TMEM176B: variants seen among roughly 807,000 people sequenced by gnomAD.
The protein encoded by TMEM176B is transmembrane protein 176B.
A neutral mutation model predicts 30.3 loss-of-function variants in TMEM176B; 28 were observed. That is an observed-to-expected ratio of 0.92 (90% CI 0.68 to 1.27). TMEM176B has a LOEUF of 1.27. Among genes scored for constraint, TMEM176B ranks in the 50% most tolerant of loss-of-function variants. The pLI, the probability that TMEM176B is intolerant of heterozygous loss-of-function variation, is 0.00. For missense variants in TMEM176B, 349 were observed against 327.4 expected (o/e 1.07, Z -0.51); for synonymous variants, 123 against 130.3 (o/e 0.94, Z 0.38).
chr7:150,801,140 C>T (rs1798767708), upstream of TMEM176B: 4 of 273,834 alleles, frequency 1.5e-5, no homozygotes, highest in Non-Finnish European at 2.2e-5. Flanking sequence ...ACAGGAGCTC[C>T]ACAGGCAGCC....
At position 150,796,536 on chromosome 7, in the gene TMEM176B, C is replaced by T. The variant is rs367566283; in HGVS notation, c.34G>A (p.Ala12Thr). 9.3e-6 allele frequency: 15 copies of T among 1,614,038 alleles called. No homozygotes were observed. The highest frequency in any genetic ancestry group is 1.2e-5 in the Non-Finnish European group (14 of 1,180,046). The change falls in exon 2 of 7, where the codon GCT becomes ACT. Residue 12 changes from alanine to threonine, a missense_variant. Ala to Thr is a moderately conservative substitution (Grantham distance 58). Transcript: ENST00000326442. ...TQNTVIVNGV[A>T]MASRPSQPTH... ...GGCTGGGATGGCCTAGAGGCCATAG[C>T]AACTCCATTCACAATCACCGTGTTT...
chr7:150,791,469 A>G lies in TMEM176B; in HGVS notation c.*62T>C, dbSNP rs1403519785. Reference sequence around the variant, plus strand: ...GGGGAGGCAAGTGTGAGGAGCCAGGAGTGGGGGCCCTGGGCTGCCCTAGAC... The same window carrying G: ...GGGGAGGCAAGTGTGAGGAGCCAGGGGTGGGGGCCCTGGGCTGCCCTAGAC... On this transcript the variant is annotated 3_prime_UTR_variant, in exon 7 of 7. Transcript: ENST00000326442. 1 of 1,417,242 alleles carries G rather than the reference A, an allele frequency of 7.1e-7. No individual in the cohort carries two copies. The highest frequency in any genetic ancestry group is 1.4e-5 in the African/African-American group (1 of 69,538). 87.8% of individuals were successfully genotyped at this position (1,417,242 alleles called of 1,614,324 possible).
intron 3 of TMEM176B, 26 bp from the exon 4 acceptor site, chr7:150,793,626 C>T: frequency 6.2e-7 from 1 of 1,609,988 alleles, no homozygotes; most frequent in East Asian, 2.2e-5. Flanking sequence ...AGAAAAAGGC[C>T]TCCAGTTTAC....
chr7:150,796,498 G>A lies in TMEM176B; in HGVS notation c.72C>T (p.Asn24=), dbSNP rs181849033. 5.0e-5 allele frequency: 80 copies of A among 1,614,200 alleles called. No individual in the cohort carries two copies. Among genetic ancestry groups the A allele is most frequent in the African/African-American group, 3.2e-4 (24 of 75,048 alleles). ...AAGCTGACTCCTGGTGGATGTGGAC[G>A]TTGACGTGGGTGGGCTGGGATGGCC... ...ASRPSQPTHV[N]VHIHQESALT... is the part of the protein sequence containing the mutation. Residue 24 remains asparagine (N), a synonymous_variant, in exon 2 of 7, where the codon AAC becomes AAT. Coordinates refer to ENST00000326442, the MANE Select transcript of TMEM176B (RefSeq NM_001101312.2).
At chr7:150,796,300 C>T in intron 2 of TMEM176B, 66 bp downstream of exon 2, 1 of 1,477,082 alleles carries the variant, frequency 6.8e-7, no homozygotes, top group Middle Eastern at 2.1e-4. Flanking sequence ...AGATTTGGCT[C>T]TATATTTTAA....
chr7:150,796,810 T>G, intron 1 of TMEM176B: 2 of 482,188 alleles, frequency 4.1e-6, no homozygotes, highest in Non-Finnish European at 7.6e-6. Flanking sequence ...AATACAAAAA[T>G]CCGCACGGTG....
upstream of TMEM176B, chr7:150,800,834 G>A (rs1214402871): frequency 1.2e-6 from 1 of 806,288 alleles, no homozygotes; most frequent in African/African-American, 1.9e-5. Flanking sequence ...CGCAGGTGAG[G>A]CGGCACCCCA....
intron 6 of TMEM176B, 35 bp downstream of exon 6, chr7:150,792,019 ACT>A: frequency 6.2e-7 from 1 of 1,611,678 alleles, no homozygotes; most frequent in Non-Finnish European, 8.5e-7. Context: ...CACCACCCAG[ACT>A]CACGCTGCCC....
intron 1 of TMEM176B, among the ~76,000 whole-genome samples, chr7:150,798,563 C>T (rs535586390): frequency 1.3e-5 from 2 of 151,502 alleles, no homozygotes; most frequent in African/African-American, 4.8e-5. Context: ...GCGTGAGCCA[C>T]CGCGCCCGGC....
chr7:150,801,263 A>C, upstream of TMEM176B: 13 of 296,466 alleles, frequency 4.4e-5, no homozygotes, highest in East Asian at 1.3e-4. Flanking sequence ...CCCAGACGCC[A>C]GGGCCCTGGG....
At chr7:150,796,933 A>G (rs11977238) in intron 1 of TMEM176B, among the ~76,000 whole-genome samples, 57,467 of 152,014 alleles carry the variant, frequency 0.38, 15,770 homozygotes, top group African/African-American at 0.76. Context: ...CAGCCTGGGC[A>G]ACAGAGTGAG....
rs185219122 is a variant in TMEM176B, at chr7:150,798,811, T to C, written c.-6+1487A>G. Among the ~76,000 whole-genome samples the C allele has an allele frequency of 2.0e-5, 3 of 152,330 alleles. No homozygotes were observed. The East Asian group carries it at 5.8e-4, about 29-fold the overall frequency. ...AGCTCTCCGTTCACATCCTATGTCC[T>C]TGTTTCGTTTTGTTTTGTTTTGCTT... On this transcript the variant is annotated intron_variant, in intron 1 of 6. Coordinates refer to ENST00000326442, the MANE Select transcript of TMEM176B (RefSeq NM_001101312.2).
chr7:150,800,446 C>CG (rs17173776), upstream of TMEM176B: 70,953 of 151,974 alleles, frequency 0.47, 17,150 homozygotes, highest in African/African-American at 0.51. Flanking sequence ...AGCTGCGGCC[C>CG]GGGGGCCCGG....
chr7:150,791,782 G>A (rs1798320102), intron 6 of TMEM176B, among the ~76,000 whole-genome samples, 159 bp from the exon 7 acceptor site: 2 of 152,010 alleles, frequency 1.3e-5, no homozygotes, highest in Admixed American at 6.5e-5. Context: ...AGAGGAAGGG[G>A]AGTCAGACGA....
chr7:150,799,230 TA>T (rs1430158923), intron 1 of TMEM176B, among the ~76,000 whole-genome samples: 1 of 152,250 alleles, frequency 6.6e-6, no homozygotes, highest in East Asian at 1.9e-4. Context: ...CTCAGTGATT[TA>T]AAATTCTCTC....
At chr7:150,793,345 C>T in intron 4 of TMEM176B, 30 bp from the exon 5 acceptor site, 1 of 1,594,946 alleles carries the variant, frequency 6.3e-7, no homozygotes, top group Non-Finnish European at 8.6e-7. Flanking sequence ...ATGACACACG[C>T]TCCTTCAATC....
Position 150,793,563 on chromosome 7 carries a change from T to C in TMEM176B, c.353A>G (p.Lys118Arg). 3 of 1,613,610 alleles carry C rather than the reference T, an allele frequency of 1.9e-6. No homozygotes were observed. The highest frequency in any genetic ancestry group is 2.5e-6 in the Non-Finnish European group (3 of 1,179,816). ...AAGAGAIVHE[K>R]HPGKLAGYIS... is the part of the protein sequence containing the mutation. Reference sequence around the variant, plus strand: ...ACTCACAGCAAGTTTGCCCGGGTGCTTCTCATGGACAATGGCCCCAGCTCC... The same window carrying C: ...ACTCACAGCAAGTTTGCCCGGGTGCCTCTCATGGACAATGGCCCCAGCTCC... Residue 118 changes from lysine (K) to arginine (R), a missense_variant, in exon 4 of 7, where the codon AAG becomes AGG. By Grantham distance (26) the Lys-to-Arg change is conservative. Transcript: ENST00000326442.
chr7:150,792,792 G>A (rs1350014579), intron 5 of TMEM176B, among the ~76,000 whole-genome samples: 1 of 152,120 alleles, frequency 6.6e-6, no homozygotes, highest in African/African-American at 2.4e-5. Flanking sequence ...ATTTTGGTGT[G>A]GTTTTTAATT....
intron 4 of TMEM176B, 41 bp from the exon 5 acceptor site, chr7:150,793,356 G>A (rs760385629): frequency 1.5e-5 from 24 of 1,582,194 alleles, no homozygotes; most frequent in African/African-American, 1.2e-4. Context: ...TCCTTCAATC[G>A]GTGGAAGAGT....
Sources: allele counts gnomAD v4.1 joint callset (sites outside exome capture counted in the v4.1 genomes callset), GRCh38; gene constraint gnomAD v4.1.1; transcripts MANE v1.5; gene names NCBI Gene and HGNC (gene_info 2026-07-23, HGNC 2026-07-21).